Variants in PCDHAC2 observed in about 807,000 individuals in gnomAD.
PCDHAC2 encodes the protein protocadherin alpha subfamily C, 2.
Under a neutral mutation model 63.3 loss-of-function variants are expected in PCDHAC2, and 24 were observed. That is an observed-to-expected ratio of 0.38 (90% CI 0.27 to 0.53). The LOEUF is 0.53. Among genes scored for constraint, PCDHAC2 ranks in the 20% least tolerant of loss-of-function variants. The pLI, the probability that PCDHAC2 is intolerant of heterozygous loss-of-function variation, is 0.81. For missense variants in PCDHAC2, 1,181 were observed against 1,275.2 expected, an observed-to-expected ratio of 0.93 and a Z score of 1.12; for synonymous variants, 569 against 529.4, an observed-to-expected ratio of 1.07 and a Z score of -1.03.
intron 3 of PCDHAC2, among the ~76,000 whole-genome samples, chr5:141,007,733 C>A (rs2098343034): frequency 6.6e-6 from 1 of 152,180 alleles, no homozygotes; most frequent in African/African-American, 2.4e-5. Flanking sequence ...CAAAGGTTAA[C>A]CACTGAAGAT....
At position 140,987,235 on chromosome 5, in the gene PCDHAC2, T is replaced by G. The variant is rs189203030; in HGVS notation, c.2713+4672T>G. Among the ~76,000 whole-genome samples, 565 of 151,370 alleles carry G rather than the reference T, an allele frequency of 3.7e-3. 4 individuals are homozygous for G. The highest frequency in any genetic ancestry group is 0.013 in the African/African-American group (539 of 41,236). On this transcript the variant is annotated intron_variant, in intron 3 of 3. Transcript: ENST00000289269. Reference sequence around the variant, plus strand: ...TCTCAAAAAAAAAAAAAATAATAAATAAAGAAAGAAAGACATTCTCAGGAA... The same window carrying G: ...TCTCAAAAAAAAAAAAAATAATAAAGAAAGAAAGAAAGACATTCTCAGGAA...
In PCDHAC2 at chr5:140,967,733, C is replaced by T. The variant is rs1473723959; in HGVS notation, c.967C>T (p.Leu323=). The change falls in exon 1 of 4, where the codon CTG becomes TTG. Residue 323 remains leucine, a synonymous_variant. Coordinates refer to ENST00000289269, the MANE Select transcript of PCDHAC2 (RefSeq NM_018899.6). The part of the protein sequence containing the change: ...STGEVRVIGG[L]DYEEASSYQI... ...CGGGGAAGTGCGAGTAATTGGGGGG[C>T]TGGATTATGAGGAAGCCTCCTCCTA... is the stretch of plus-strand genomic sequence containing the variant. 7 of 1,614,024 alleles carry T rather than the reference C, an allele frequency of 4.3e-6. No individual in the cohort carries two copies. Among genetic ancestry groups the T allele is most frequent in the Non-Finnish European group, 5.9e-6 (7 of 1,180,026 alleles).
At chr5:140,976,718 C>A (rs2096728735) in intron 1 of PCDHAC2, among the ~76,000 whole-genome samples, 1 of 152,096 alleles carries the variant, frequency 6.6e-6, no homozygotes, top group South Asian at 2.1e-4. Context: ...CATTATAGTT[C>A]ATTTATTTAA....
chr5:140,977,974 A>G (rs2096783738), intron 1 of PCDHAC2, among the ~76,000 whole-genome samples: 1 of 152,182 alleles, frequency 6.6e-6, no homozygotes, highest in African/African-American at 2.4e-5. Context: ...CCGCCCATGA[A>G]AACGCATCTA....
At chr5:141,009,439 G>A (rs187486568) in intron 3 of PCDHAC2, among the ~76,000 whole-genome samples, 188 bp from the exon 4 acceptor site, 1 of 152,244 alleles carries the variant, frequency 6.6e-6, no homozygotes, top group East Asian at 1.9e-4. Context: ...GGGAAATCCT[G>A]TCTCAAAAAA....
Position 140,968,467 on chromosome 5 carries a change from A to T in PCDHAC2, c.1701A>T (p.Val567=). The change falls in exon 1 of 4, where the codon GTA becomes GTT. Residue 567 remains valine (V), a synonymous_variant. Coordinates refer to ENST00000289269, the MANE Select transcript of PCDHAC2 (RefSeq NM_018899.6). The part of the protein sequence containing the change: ...PPLSSTVTAN[V]YVVDMNDHAP... ...TGAGCAGCACTGTGACTGCCAACGT[A>T]TATGTGGTGGACATGAATGACCATG... The T allele has an allele frequency of 6.2e-7, 1 of 1,614,124 alleles. No individual in the cohort carries two copies. The highest frequency in any genetic ancestry group is 2.2e-5 in the East Asian group (1 of 44,880).
At chr5:140,981,601 T>C (rs2096939953) in intron 2 of PCDHAC2, among the ~76,000 whole-genome samples, 1 of 152,086 alleles carries the variant, frequency 6.6e-6, no homozygotes, top group Non-Finnish European at 1.5e-5. Flanking sequence ...AACAAAATGT[T>C]CCTCTAATTT....
Position 140,968,523 on chromosome 5 carries a change from A to T in PCDHAC2, c.1757A>T (p.Asn586Ile), listed in dbSNP as rs1441549667. ...CACATTCTGTACCCTACCTCAACCA[A>T]CTCGTCAGCAGCCTTCGAGATGGTG... Reference protein sequence around the residue: ...APHILYPTSTNSSAAFEMVPR... With the variant: ...APHILYPTSTISSAAFEMVPR... Residue 586 changes from asparagine to isoleucine, a missense_variant, in exon 1 of 4, where the codon AAC becomes ATC. By Grantham distance (149) the Asn-to-Ile change is moderately radical. Around this residue, in one of 3 missense-constraint regions of PCDHAC2, gnomAD observed 968 missense variants for 1,073.5 expected, o/e 0.90. Coordinates refer to ENST00000289269, the MANE Select transcript of PCDHAC2 (RefSeq NM_018899.6). The T allele has an allele frequency of 1.3e-5, 21 of 1,613,762 alleles. No individual in the cohort carries two copies. Among genetic ancestry groups the T allele is most frequent in the Non-Finnish European group, 1.8e-5 (21 of 1,179,980 alleles).
Position 140,968,632 on chromosome 5 carries a change from C to T in PCDHAC2, c.1866C>T (p.Tyr622=). ...CTGGGCAAAATGCTTGGCTTTTTTA[C>T]CATCTAGCCCAGACTTCTGACCTGG... The part of the protein sequence containing the change: ...SDSGQNAWLF[Y]HLAQTSDLDL... Residue 622 remains tyrosine, a synonymous_variant, in exon 1 of 4, where the codon TAC becomes TAT. Transcript: ENST00000289269. 6.2e-7 allele frequency: 1 copy of T among 1,614,176 alleles called. No individual in the cohort carries two copies. The highest frequency in any genetic ancestry group is 8.5e-7 in the Non-Finnish European group (1 of 1,180,036).
intron 3 of PCDHAC2, among the ~76,000 whole-genome samples, chr5:141,002,135 G>C (rs1265359430): frequency 2.6e-5 from 4 of 152,236 alleles, no homozygotes; most frequent in Admixed American, 2.6e-4. Flanking sequence ...AGCCTTTGCC[G>C]GCTGCACTGA....
At chr5:140,988,600 T>C (rs962869761) in intron 3 of PCDHAC2, among the ~76,000 whole-genome samples, 15 of 152,214 alleles carry the variant, frequency 9.9e-5, no homozygotes, top group Non-Finnish European at 1.8e-4. Context: ...AATGGTCATG[T>C]AAATAAAAGA....
At chr5:140,974,799 A>G (rs116037205) in intron 1 of PCDHAC2, among the ~76,000 whole-genome samples, 2 of 152,294 alleles carry the variant, frequency 1.3e-5, no homozygotes, top group African/African-American at 2.4e-5. Context: ...TCATTTTGAT[A>G]TACTAGAAGA....
At chr5:140,991,539 C>T (rs1458315356) in intron 3 of PCDHAC2, among the ~76,000 whole-genome samples, 3 of 152,164 alleles carry the variant, frequency 2.0e-5, no homozygotes, top group Admixed American at 6.6e-5. Context: ...CACTATATAA[C>T]AAGGATCCAC....
intron 1 of PCDHAC2, among the ~76,000 whole-genome samples, chr5:140,975,016 G>C (rs782435284): frequency 6.6e-6 from 1 of 152,128 alleles, no homozygotes; most frequent in Non-Finnish European, 1.5e-5. Context: ...AACACAGCTG[G>C]GCTGTGTTGT....
intron 3 of PCDHAC2, among the ~76,000 whole-genome samples, chr5:140,999,171 C>T (rs1482438264): frequency 1.3e-5 from 2 of 152,054 alleles, no homozygotes; most frequent in African/African-American, 4.8e-5. Context: ...AGGAAAAGAG[C>T]CTGATGGGGA....
intron 1 of PCDHAC2, among the ~76,000 whole-genome samples, chr5:140,974,301 A>G (rs2096621600): frequency 6.6e-6 from 1 of 152,190 alleles, no homozygotes; most frequent in Non-Finnish European, 1.5e-5. Context: ...AGGAGGTACA[A>G]CTGTGAGTGA....
At chr5:140,970,597 TA>T (rs2096419556) in intron 1 of PCDHAC2, among the ~76,000 whole-genome samples, 4 of 152,198 alleles carry the variant, frequency 2.6e-5, no homozygotes, top group Non-Finnish European at 5.9e-5. Context: ...TGCTTTGTGA[TA>T]CTTAAAACTT....
At chr5:141,006,108 T>G (rs1268824828) in intron 3 of PCDHAC2, among the ~76,000 whole-genome samples, 3 of 151,864 alleles carry the variant, frequency 2.0e-5, no homozygotes, top group Non-Finnish European at 4.4e-5. Flanking sequence ...GTAAGGAGTT[T>G]TTTTTTTTTT....
chr5:140,976,546 A>G (rs2096722070), intron 1 of PCDHAC2, among the ~76,000 whole-genome samples: 1 of 152,086 alleles, frequency 6.6e-6, no homozygotes, highest in Non-Finnish European at 1.5e-5. Context: ...GTAAGACCCT[A>G]TCTCATAAAT....
Sources: gnomAD v4.1 joint callset for allele counts (sites outside exome capture counted in the v4.1 genomes callset) on GRCh38, gnomAD v4.1.1 for gene constraint, gnomAD v4.1.1 regional missense constraint, MANE v1.5 for transcripts, NCBI Gene and HGNC (gene_info 2026-07-23, HGNC 2026-07-21) for gene names.